TMEM117: variants seen among roughly 807,000 people sequenced by gnomAD.
TMEM117 encodes transmembrane protein 117.
Under a neutral mutation model 52.4 loss-of-function variants are expected in TMEM117, and 27 were observed. The observed-to-expected ratio is 0.51, with a 90% CI of 0.38 to 0.71. The LOEUF (loss-of-function observed/expected upper bound fraction) is 0.71, where lower values mean the gene tolerates loss of function less well. TMEM117 is among the 30% of genes least tolerant of loss of function. The probability of loss-of-function intolerance (pLI) is 0.00; values close to 1 mark genes in which losing one functional copy is unlikely to be tolerated. For missense variants in TMEM117, 556 were observed against 630.5 expected (o/e 0.88, Z 1.26); for synonymous variants, 215 against 206.3 (o/e 1.04, Z -0.36).
At chr12:43,830,482 C>T in the TMEM117 span, among the ~76,000 whole-genome samples, 32 of 151,598 alleles carry the variant, frequency 2.1e-4, no homozygotes, top group African/African-American at 3.1e-4. Context: ...TGGTGGTGCA[C>T]GCCTGTAATC....
At chr12:43,890,975 C>T (rs1261472140) in intron 2 of TMEM117, among the ~76,000 whole-genome samples, 2 of 151,580 alleles carry the variant, frequency 1.3e-5, no homozygotes, top group Admixed American at 1.3e-4. Context: ...GGCAGAAAAA[C>T]AGTACTTATT....
At chr12:44,044,787 T>A (rs1294329766) in intron 3 of TMEM117, among the ~76,000 whole-genome samples, 1 of 152,176 alleles carries the variant, frequency 6.6e-6, no homozygotes, top group Non-Finnish European at 1.5e-5. Context: ...TGAAGGGAAA[T>A]CTTCCCAGTG....
At chr12:43,806,867 A>C in the TMEM117 span, among the ~76,000 whole-genome samples, 1 of 152,184 alleles carries the variant, frequency 6.6e-6, no homozygotes, top group African/African-American at 2.4e-5. Context: ...TTAGAGACTC[A>C]GTGTATCTTT....
chr12:43,796,194 A>G, the TMEM117 span, among the ~76,000 whole-genome samples: 3 of 152,172 alleles, frequency 2.0e-5, no homozygotes, highest in Admixed American at 6.5e-5. Context: ...AACAACAATA[A>G]GAATATATGA....
chr12:43,982,055 A>G (rs1432853351), intron 3 of TMEM117, among the ~76,000 whole-genome samples: 1 of 152,350 alleles, frequency 6.6e-6, no homozygotes, highest in Admixed American at 6.5e-5. Context: ...GTTGATGGAT[A>G]CACCAAATAC....
chr12:44,022,463 A>G (rs1212233478), intron 3 of TMEM117, among the ~76,000 whole-genome samples: 1 of 152,192 alleles, frequency 6.6e-6, no homozygotes, highest in Non-Finnish European at 1.5e-5. Context: ...TACCTCATTC[A>G]TGTGGTTACT....
chr12:44,064,654 G>C (rs1947193898), intron 3 of TMEM117, among the ~76,000 whole-genome samples: 2 of 151,986 alleles, frequency 1.3e-5, no homozygotes, highest in African/African-American at 2.4e-5. Context: ...CTCCTGAATG[G>C]TATGATTACC....
chr12:44,118,628 A>G (rs17094119), intron 3 of TMEM117, among the ~76,000 whole-genome samples: 16,819 of 152,224 alleles, frequency 0.11, 2,505 homozygotes, highest in African/African-American at 0.34. Flanking sequence ...CTAAAACTTT[A>G]GTAGAAATTG....
At chr12:44,020,043 G>T (rs1328773527) in intron 3 of TMEM117, among the ~76,000 whole-genome samples, 1 of 152,114 alleles carries the variant, frequency 6.6e-6, no homozygotes, top group Non-Finnish European at 1.5e-5. Flanking sequence ...GTCAGTAATG[G>T]TGTTTTCTTA....
At chr12:44,277,278 T>TA (rs1323683477) in intron 5 of TMEM117, among the ~76,000 whole-genome samples, 3 of 152,182 alleles carry the variant, frequency 2.0e-5, no homozygotes, top group African/African-American at 7.2e-5. Flanking sequence ...TGTCAAGAGC[T>TA]AAACATTTCT....
At chr12:43,907,328 C>T (rs1057483160) in intron 2 of TMEM117, among the ~76,000 whole-genome samples, 1 of 150,978 alleles carries the variant, frequency 6.6e-6, no homozygotes, top group African/African-American at 2.4e-5. Context: ...AGGACATCCA[C>T]ACCAAAAACC....
the TMEM117 span, chr12:43,799,277 C>T: frequency 1.8e-5 from 10 of 570,496 alleles, no homozygotes; most frequent in African/African-American, 3.8e-5. Flanking sequence ...CTAAACTAAA[C>T]GGAATAAACC....
intron 7 of TMEM117, among the ~76,000 whole-genome samples, chr12:44,384,616 A>C (rs1952063791): frequency 6.6e-6 from 1 of 152,198 alleles, no homozygotes; most frequent in Non-Finnish European, 1.5e-5. Flanking sequence ...ATAGAGCCAC[A>C]CACTGAGTCC....
chr12:44,320,185 T>A (rs562920215), intron 6 of TMEM117, among the ~76,000 whole-genome samples: 1 of 152,164 alleles, frequency 6.6e-6, no homozygotes, highest in Non-Finnish European at 1.5e-5. Flanking sequence ...CAAAAAACCT[T>A]TTAAAAATCC....
At chr12:44,373,185 C>T (rs1390181183) in intron 6 of TMEM117, among the ~76,000 whole-genome samples, 1 of 152,250 alleles carries the variant, frequency 6.6e-6, no homozygotes, top group Non-Finnish European at 1.5e-5. Flanking sequence ...TGCATAGCAG[C>T]AGTGTCTCCC....
chr12:44,103,067 A>G (rs1341645402), intron 3 of TMEM117, among the ~76,000 whole-genome samples: 4 of 152,034 alleles, frequency 2.6e-5, no homozygotes, highest in Admixed American at 1.3e-4. Flanking sequence ...TAAATTACCC[A>G]GTCCTGGAAT....
intron 6 of TMEM117, among the ~76,000 whole-genome samples, chr12:44,339,319 G>A (rs1013080115): frequency 1.3e-5 from 2 of 151,890 alleles, no homozygotes; most frequent in Admixed American, 1.3e-4. Flanking sequence ...CCAGCTTCTA[G>A]CAGACTAAAG....
intron 6 of TMEM117, among the ~76,000 whole-genome samples, chr12:44,352,244 A>T (rs1951573110): frequency 6.6e-6 from 1 of 151,974 alleles, no homozygotes; most frequent in Admixed American, 6.6e-5. Flanking sequence ...CTATGTACCC[A>T]CAAACATTTT....
chr12:43,989,954 A>G (rs1945911011), intron 3 of TMEM117, among the ~76,000 whole-genome samples: 1 of 152,122 alleles, frequency 6.6e-6, no homozygotes. Context: ...TTTGAATAAG[A>G]CAGTGACTGT....
Sources: allele counts gnomAD v4.1 joint callset (sites outside exome capture counted in the v4.1 genomes callset), GRCh38; gene constraint gnomAD v4.1.1; transcripts MANE v1.5; gene names NCBI Gene and HGNC (gene_info 2026-07-23, HGNC 2026-07-21).